ABHD14A: variants seen among roughly 807,000 people sequenced by gnomAD.
The protein encoded by ABHD14A is abhydrolase domain containing 14A.
In ABHD14A, 19 loss-of-function variants were observed where a neutral mutation model predicts 27.0. That is an observed-to-expected ratio of 0.70 (90% CI 0.49 to 1.03). The LOEUF is 1.03. ABHD14A is among the 50% of genes least tolerant of loss of function. The probability of loss-of-function intolerance (pLI) is 0.00; values close to 1 mark genes in which losing one functional copy is unlikely to be tolerated. For synonymous variants in ABHD14A, 148 were observed against 158.8 expected (o/e 0.93, Z 0.51); for missense variants, 311 against 344.6 (o/e 0.90, Z 0.77).
At chr3:51,978,641 G>C (rs532901223) in intron 3 of ABHD14A, 1 of 236,418 alleles carries the variant, frequency 4.2e-6, no homozygotes, top group African/African-American at 2.3e-5. Context: ...ACCCAGGCTA[G>C]AGTACAATGG....
chr3:51,981,140 G>C lies in ABHD14A; in HGVS notation c.*122G>C, dbSNP rs2106819023. On this transcript the variant is annotated 3_prime_UTR_variant, in exon 5 of 5. Transcript: ENST00000273596. ...AGAGGCCAGGGTCAGACCCAGCCAG[G>C]ACTCCTCATTTCATCTCACAGACAC... 2 of 1,046,218 alleles carry C rather than the reference G, an allele frequency of 1.9e-6. No individual in the cohort carries two copies. Among genetic ancestry groups the C allele is most frequent in the South Asian group, 3.1e-5 (2 of 63,706 alleles). The allele number at this position is 1,046,218 out of a possible 1,614,324, so 64.8% of individuals were successfully genotyped here.
intron 1 of ABHD14A, among the ~76,000 whole-genome samples, chr3:51,977,434 G>A (rs1700809372): frequency 6.6e-6 from 1 of 152,004 alleles, no homozygotes; most frequent in Non-Finnish European, 1.5e-5. Flanking sequence ...TTGCTACTTG[G>A]CACTTTGGGC....
rs770948538 is a variant in ABHD14A, at chr3:51,980,447, C to T, written c.452C>T (p.Ala151Val). 16 of 1,613,354 alleles carry T rather than the reference C, an allele frequency of 9.9e-6. No individual in the cohort carries two copies. The highest frequency in any genetic ancestry group is 3.3e-5 in the South Asian group (3 of 91,052). Residue 151 changes from alanine to valine, a missense_variant, in exon 4 of 5, where the codon GCG becomes GTG. Physicochemically the swap from Ala to Val is moderately conservative, Grantham distance 64. Transcript: ENST00000273596. ...GCAAGCACAGAGGCAGGGCGGGCAG[C>T]GCTGCTGGAGCGGGCGCTGCGGGAC... The part of the protein sequence containing the change: ...KEASTEAGRA[A>V]LLERALRDLE...
chr3:51,977,823 T>A, intron 1 of ABHD14A, 48 bp from the exon 2 acceptor site: 2 of 1,545,476 alleles, frequency 1.3e-6, no homozygotes, highest in Non-Finnish European at 1.8e-6. Flanking sequence ...CCAGGGTCCT[T>A]GTAGGGACTC....
chr3:51,980,328 TG>T (rs750249862), intron 3 of ABHD14A, 64 bp from the exon 4 acceptor site: 2 of 1,488,876 alleles, frequency 1.3e-6, no homozygotes, highest in South Asian at 1.1e-5. Flanking sequence ...TCCCCCACTG[TG>T]GTGGGCAGGA....
At chr3:51,975,553 A>G (rs567380884) in intron 1 of ABHD14A, among the ~76,000 whole-genome samples, 42 of 149,752 alleles carry the variant, frequency 2.8e-4, no homozygotes, top group African/African-American at 1.0e-3. Context: ...GTATGTGTCT[A>G]CCTGTCTGCG....
intron 1 of ABHD14A, 50 bp downstream of exon 1, chr3:51,975,254 T>C: frequency 8.1e-7 from 1 of 1,236,618 alleles, no homozygotes. Flanking sequence ...GGGAGGGCCG[T>C]CTTTACCCCG....
At position 51,981,165 on chromosome 3, in the gene ABHD14A, C is replaced by T. The variant is rs1700901880; in HGVS notation, c.*147C>T. 6 of 839,088 alleles carry T rather than the reference C, an allele frequency of 7.2e-6. No homozygotes were observed. The South Asian group carries it at 9.6e-5, about 13-fold the overall frequency. The allele number at this position is 839,088 out of a possible 1,614,324, so 52.0% of individuals were successfully genotyped here. On this transcript the variant is annotated 3_prime_UTR_variant, in exon 5 of 5. Coordinates refer to ENST00000273596, the MANE Select transcript of ABHD14A (RefSeq NM_015407.5). ...GACTCCTCATTTCATCTCACAGACA[C>T]AATAAAAAAGCATATTTGTCCTGCC... is the stretch of plus-strand genomic sequence containing the variant.
At chr3:51,979,796 T>C in intron 3 of ABHD14A, among the ~76,000 whole-genome samples, 1 of 151,878 alleles carries the variant, frequency 6.6e-6, no homozygotes, top group East Asian at 1.9e-4. Context: ...GGACATGCAT[T>C]TTTAAATTTA....
intron 1 of ABHD14A, 51 bp downstream of exon 1, chr3:51,975,255 C>A: frequency 8.1e-7 from 1 of 1,238,922 alleles, no homozygotes; most frequent in Non-Finnish European, 1.0e-6. Flanking sequence ...GGAGGGCCGT[C>A]TTTACCCCGC....
Position 51,980,639 on chromosome 3 carries a change from A to T in ABHD14A, c.633+11A>T, listed in dbSNP as rs1395175568. 5 of 1,609,494 alleles carry T rather than the reference A, an allele frequency of 3.1e-6. No homozygotes were observed. The highest frequency in any genetic ancestry group is 3.3e-5 in the Admixed American group (2 of 59,882). On this transcript the variant is annotated intron_variant, in intron 4 of 4. Coordinates refer to ENST00000273596, the MANE Select transcript of ABHD14A (RefSeq NM_015407.5). ...TTCTGGGCTGTGAAGGTACTGGGAG[A>T]AGGATCTCAAAGGTCCTGGCACCCT...
chr3:51,980,294 C>T, intron 3 of ABHD14A, 99 bp from the exon 4 acceptor site: 1 of 1,030,274 alleles, frequency 9.7e-7, no homozygotes, highest in Non-Finnish European at 1.5e-6. Flanking sequence ...TAGTGTGTGC[C>T]AGTGCCAGTG....
At position 51,981,186 on chromosome 3, in the gene ABHD14A, C is replaced by T. The variant is rs186977973; in HGVS notation, c.*168C>T. Reference sequence around the variant, plus strand: ...GACACAATAAAAAAGCATATTTGTCCTGCCTGGGAAGTGACAGGTTCCGTT... The same window carrying T: ...GACACAATAAAAAAGCATATTTGTCTTGCCTGGGAAGTGACAGGTTCCGTT... On this transcript the variant is annotated 3_prime_UTR_variant, in exon 5 of 5. Transcript: ENST00000273596. 65 of 729,804 alleles carry T rather than the reference C, an allele frequency of 8.9e-5. No homozygotes were observed. Among genetic ancestry groups the T allele is most frequent in the Non-Finnish European group, 6.4e-6 (3 of 465,712 alleles). The allele number at this position is 729,804 out of a possible 1,614,324, so 45.2% of individuals were successfully genotyped here. A position where few individuals can be genotyped will look rare whatever the true frequency, so the allele number is the denominator to read the frequency against.
Position 51,980,509 on chromosome 3 carries a change from C to T in ABHD14A, c.514C>T (p.Leu172=). ...GAATGCCGTGTTGGTGAGCCCCTCG[C>T]TGAGTGGCCACTATGCCCTGCCCTT... The part of the protein sequence containing the change: ...VQNAVLVSPS[L]SGHYALPFLM... Residue 172 remains leucine, a synonymous_variant, in exon 4 of 5, where the codon CTG becomes TTG. Transcript: ENST00000273596. 2 of 1,614,076 alleles carry T rather than the reference C, an allele frequency of 1.2e-6. No individual in the cohort carries two copies. The highest frequency in any genetic ancestry group is 1.7e-6 in the Non-Finnish European group (2 of 1,180,028).
intron 1 of ABHD14A, among the ~76,000 whole-genome samples, chr3:51,976,484 GGCC>G (rs1700790489): frequency 6.6e-6 from 1 of 152,088 alleles, no homozygotes. Flanking sequence ...AGAACAGCCT[GGCC>G]AACATGGTGA....
chr3:51,975,247 A>AGGGCCGTCTTTACCCC (rs1306280812), intron 1 of ABHD14A, 43 bp downstream of exon 1: 1 of 1,242,156 alleles, frequency 8.1e-7, no homozygotes, highest in African/African-American at 1.6e-5. Context: ...GGCCCAGGGG[A>AGGGCCGTCTTTACCCC]GGGCCGTCTT....
chr3:51,980,661 C>T (rs373822210), intron 4 of ABHD14A, 33 bp downstream of exon 4: 423 of 1,601,054 alleles, frequency 2.6e-4, no homozygotes, highest in Middle Eastern at 2.3e-3. Context: ...GGTCCTGGCA[C>T]CCTGTCTGTG....
intron 1 of ABHD14A, among the ~76,000 whole-genome samples, chr3:51,977,402 G>T (rs918442334): frequency 1.6e-4 from 24 of 152,054 alleles, no homozygotes; most frequent in African/African-American, 5.8e-4. Context: ...CCATTCCTAG[G>T]TTCAAACCCC....
In ABHD14A at chr3:51,978,124, A is replaced by G. The variant is rs764190591; in HGVS notation, c.281+42A>G. The G allele has an allele frequency of 4.0e-5, 63 of 1,588,630 alleles. No individual in the cohort carries two copies. In the South Asian group the frequency reaches 6.8e-4, roughly 17 times the overall value. On this transcript the variant is annotated intron_variant, in intron 2 of 4. Coordinates refer to ENST00000273596, the MANE Select transcript of ABHD14A (RefSeq NM_015407.5). ...GGGTCTAGTGGAGGGACTAGGCTCA[A>G]GGGGAGTCCCTGTGTGGGACCCCCA...
Sources: allele counts gnomAD v4.1 joint callset (sites outside exome capture counted in the v4.1 genomes callset), GRCh38; gene constraint gnomAD v4.1.1; transcripts MANE v1.5; gene names NCBI Gene and HGNC (gene_info 2026-07-23, HGNC 2026-07-21).